PCCA: variants seen among roughly 807,000 people sequenced by gnomAD.
PCCA encodes the protein propionyl-CoA carboxylase subunit alpha.
PCCA carries 74 observed loss-of-function variants against 101.3 expected under a neutral mutation model. The observed-to-expected ratio is 0.73, with a 90% confidence interval of 0.61 to 0.89. The LOEUF is 0.89. PCCA is among the 40% of genes least tolerant of loss of function. PCCA has a pLI of 0.00. For missense variants in PCCA, 891 were observed against 907.0 expected (o/e 0.98, Z 0.23); for synonymous variants, 294 against 313.6 (o/e 0.94, Z 0.66).
intron 6 of PCCA, among the ~76,000 whole-genome samples, chr13:100,183,074 G>T (rs937430269): frequency 1.3e-5 from 2 of 152,120 alleles, no homozygotes; most frequent in African/African-American, 4.8e-5. Context: ...GGTAGGTTGG[G>T]GGTTGGGTAC....
chr13:100,089,931 T>C (rs1413114232), intron 1 of PCCA, among the ~76,000 whole-genome samples: 1 of 152,200 alleles, frequency 6.6e-6, no homozygotes, highest in African/African-American at 2.4e-5. Flanking sequence ...AGTGCTTGTG[T>C]GTGCTTCTGA....
rs1253965433 is a variant in PCCA, at chr13:100,181,769, TC to T, written c.468+24430del. Among the ~76,000 whole-genome samples, 247 of 115,022 alleles carry T rather than the reference TC, an allele frequency of 2.1e-3. 2 individuals carry two copies. Among genetic ancestry groups the T allele is most frequent in the African/African-American group, 9.6e-3 (235 of 24,406 alleles). The allele number at this position is 115,022 out of a possible 152,430, so 75.5% of individuals were successfully genotyped here. On this transcript the variant is annotated intron_variant, in intron 6 of 23. Coordinates refer to ENST00000376285, the MANE Select transcript of PCCA (RefSeq NM_000282.4). Reference sequence around the variant, plus strand: ...TTTTTTGTTTTTCTTTTTCTTTTTTTCTTTTTTTTTTTTTGAGATGGAATCT... The same window carrying T: ...TTTTTTGTTTTTCTTTTTCTTTTTTTTTTTTTTTTTTTTGAGATGGAATCT...
intron 12 of PCCA, among the ~76,000 whole-genome samples, chr13:100,291,446 A>ACATGCACG (rs200072074): frequency 6.6e-6 from 1 of 152,202 alleles, no homozygotes; most frequent in Non-Finnish European, 1.5e-5. Flanking sequence ...GCACATGCAC[A>ACATGCACG]TATGTGCATT....
At chr13:100,172,216 A>T (rs895169974) in intron 6 of PCCA, among the ~76,000 whole-genome samples, 21 of 149,308 alleles carry the variant, frequency 1.4e-4, no homozygotes, top group Non-Finnish European at 2.7e-4. Flanking sequence ...AAAAAAAAAA[A>T]TTTACCTTTC....
chr13:100,105,102 A>G (rs2047630144), intron 2 of PCCA, among the ~76,000 whole-genome samples: 1 of 152,186 alleles, frequency 6.6e-6, no homozygotes, highest in Non-Finnish European at 1.5e-5. Context: ...AATCAGTATA[A>G]AAAGTATTAA....
chr13:100,408,808 TAA>T (rs1449992175), intron 19 of PCCA, among the ~76,000 whole-genome samples: 4 of 152,160 alleles, frequency 2.6e-5, no homozygotes, highest in Non-Finnish European at 5.9e-5. Flanking sequence ...TCTGGCCTAG[TAA>T]AGTGTTTTCT....
At chr13:100,443,362 G>A (rs766635859) in intron 20 of PCCA, among the ~76,000 whole-genome samples, 7 of 151,828 alleles carry the variant, frequency 4.6e-5, no homozygotes, top group Non-Finnish European at 1.0e-4. Context: ...GGTTGAGGTG[G>A]GAGAATCGCT....
chr13:100,422,320 T>G (rs1469862547), intron 19 of PCCA, among the ~76,000 whole-genome samples: 5 of 151,718 alleles, frequency 3.3e-5, no homozygotes, highest in African/African-American at 1.2e-4. Flanking sequence ...ATTTTTTTTG[T>G]AGAGATGGGG....
intron 21 of PCCA, among the ~76,000 whole-genome samples, chr13:100,493,247 C>T (rs2085034116): frequency 6.6e-6 from 1 of 152,232 alleles, no homozygotes; most frequent in Admixed American, 6.5e-5. Context: ...AGCTTCACCC[C>T]TGTCACAAGT....
chr13:100,136,443 C>T lies in PCCA; in HGVS notation c.301-18536C>T, dbSNP rs537884524. Among the ~76,000 whole-genome samples the T allele has an allele frequency of 1.9e-3, 288 of 152,206 alleles. 1 individual carries two copies. Among genetic ancestry groups the T allele is most frequent in the Admixed American group, 4.3e-3 (65 of 15,284 alleles). On this transcript the variant is annotated intron_variant, in intron 4 of 23. Transcript: ENST00000376285. ...TCAGGTGATCCACCTGTCTTGGCCT[C>T]CCAAAGTGCTGGGATTACAGGTGTG...
intron 18 of PCCA, among the ~76,000 whole-genome samples, chr13:100,342,101 G>T (rs1054974483): frequency 6.6e-6 from 1 of 151,580 alleles, no homozygotes; most frequent in East Asian, 1.9e-4. Flanking sequence ...AAGATAAACA[G>T]CAGTATATTG....
intron 4 of PCCA, among the ~76,000 whole-genome samples, chr13:100,146,627 C>T (rs2052605645): frequency 6.6e-6 from 1 of 150,660 alleles, no homozygotes. Context: ...AGCTTACAAA[C>T]GTGCAAATGT....
chr13:100,119,559 A>G (rs2049157697), intron 4 of PCCA, among the ~76,000 whole-genome samples: 3 of 152,160 alleles, frequency 2.0e-5, no homozygotes, highest in Admixed American at 2.0e-4. Flanking sequence ...ACAGATACAC[A>G]CCTGTTGAAT....
At chr13:100,287,100 T>G (rs1030532233) in intron 12 of PCCA, among the ~76,000 whole-genome samples, 4 of 152,158 alleles carry the variant, frequency 2.6e-5, no homozygotes, top group Non-Finnish European at 5.9e-5. Context: ...GAATAATCAG[T>G]CTTTTCTGTA....
chr13:100,485,726 CATA>C (rs1403978291), intron 21 of PCCA, among the ~76,000 whole-genome samples: 1 of 152,134 alleles, frequency 6.6e-6, no homozygotes, highest in Non-Finnish European at 1.5e-5. Context: ...TGGCTTGGGT[CATA>C]ATGATAATAC....
chr13:100,474,135 T>C (rs1163670595), intron 21 of PCCA, among the ~76,000 whole-genome samples: 1 of 152,228 alleles, frequency 6.6e-6, no homozygotes, highest in African/African-American at 2.4e-5. Flanking sequence ...TATAGTATTA[T>C]TTCAAGCTCA....
At chr13:100,331,605 T>A (rs886951524) in intron 17 of PCCA, among the ~76,000 whole-genome samples, 1 of 152,204 alleles carries the variant, frequency 6.6e-6, no homozygotes, top group Non-Finnish European at 1.5e-5. Flanking sequence ...TTTAAAACTT[T>A]AGTGTTATAG....
At chr13:100,151,549 G>A (rs868786503) in intron 4 of PCCA, among the ~76,000 whole-genome samples, 13 of 151,516 alleles carry the variant, frequency 8.6e-5, no homozygotes, top group African/African-American at 2.9e-4. Flanking sequence ...CCGAGATCGC[G>A]CCATTGCACT....
At chr13:100,252,666 A>G (rs2061831980) in intron 8 of PCCA, among the ~76,000 whole-genome samples, 1 of 152,206 alleles carries the variant, frequency 6.6e-6, no homozygotes, top group South Asian at 2.1e-4. Flanking sequence ...CAGTTGGTCA[A>G]AAAAGATAAT....
Sources: gnomAD v4.1 joint callset for allele counts (sites outside exome capture counted in the v4.1 genomes callset) on GRCh38, gnomAD v4.1.1 for gene constraint, MANE v1.5 for transcripts, NCBI Gene and HGNC (gene_info 2026-07-23, HGNC 2026-07-21) for gene names.